CNTNAP2: variants seen among roughly 807,000 people sequenced by gnomAD.
CNTNAP2 encodes contactin associated protein 2.
In CNTNAP2, 98 loss-of-function variants were observed where a neutral mutation model predicts 155.2. That is an observed-to-expected ratio of 0.63 (90% CI 0.54 to 0.75). CNTNAP2 has a LOEUF of 0.75. Ranked by LOEUF, CNTNAP2 falls within the 30% of genes least tolerant of loss-of-function variation. The probability of loss-of-function intolerance (pLI) is 0.00; values close to 1 mark genes in which losing one functional copy is unlikely to be tolerated. For synonymous variants in CNTNAP2, 651 were observed against 631.2 expected (o/e 1.03, Z -0.47); for missense variants, 1,727 against 1,688.1 (o/e 1.02, Z -0.40).
chr7:147,412,775 G>T (rs1406289), intron 10 of CNTNAP2, among the ~76,000 whole-genome samples: 36,838 of 152,112 alleles, frequency 0.24, 4,878 homozygotes, highest in African/African-American at 0.33. Context: ...GGACAGAAAG[G>T]CTCATATCAG....
chr7:148,309,013 T>C (rs1797543722), intron 21 of CNTNAP2, among the ~76,000 whole-genome samples: 1 of 152,210 alleles, frequency 6.6e-6, no homozygotes, highest in South Asian at 2.1e-4. Context: ...TCTTTGCTAT[T>C]GTGAATAGTG....
chr7:148,322,793 TG>T (rs1229646483), intron 21 of CNTNAP2, among the ~76,000 whole-genome samples: 10 of 106,464 alleles, frequency 9.4e-5, no homozygotes, highest in African/African-American at 3.9e-4. Flanking sequence ...TGTTGTTTTT[TG>T]GGGTTTTTTT....
At chr7:147,630,339 A>T (rs28838412) in intron 12 of CNTNAP2, among the ~76,000 whole-genome samples, 12,771 of 145,710 alleles carry the variant, frequency 0.088, 1,684 homozygotes, top group African/African-American at 0.25. Context: ...AAAAAAAAAA[A>T]GCCAACAAAA....
intron 13 of CNTNAP2, among the ~76,000 whole-genome samples, chr7:147,685,750 G>C (rs937121631): frequency 3.2e-4 from 48 of 152,054 alleles, no homozygotes; most frequent in African/African-American, 1.1e-3. Flanking sequence ...AAAAAATAAA[G>C]CAAGAAAAAG....
At chr7:148,240,933 G>GA (rs1796131982) in intron 20 of CNTNAP2, among the ~76,000 whole-genome samples, 1 of 152,154 alleles carries the variant, frequency 6.6e-6, no homozygotes, top group African/African-American at 2.4e-5. Flanking sequence ...TATCCTAGCT[G>GA]CACTGGCAGC....
At chr7:148,258,269 C>T (rs553685571) in intron 20 of CNTNAP2, among the ~76,000 whole-genome samples, 5 of 152,248 alleles carry the variant, frequency 3.3e-5, no homozygotes, top group African/African-American at 9.6e-5. Context: ...CACAGGGTTA[C>T]GGTCTCACCA....
At chr7:148,140,421 C>CTTTTTT (rs750371666) in intron 16 of CNTNAP2, among the ~76,000 whole-genome samples, 4 of 135,380 alleles carry the variant, frequency 3.0e-5, no homozygotes, top group Admixed American at 7.5e-5. Context: ...TTTTCTTTTT[C>CTTTTTT]TTTTTTTTTT....
At chr7:146,825,437 C>T (rs1227031900) in intron 2 of CNTNAP2, among the ~76,000 whole-genome samples, 10 of 152,208 alleles carry the variant, frequency 6.6e-5, no homozygotes, top group Admixed American at 6.6e-5. Context: ...GGGAATCACT[C>T]ACTATGCATG....
chr7:147,206,899 C>A (rs930137120), intron 8 of CNTNAP2, among the ~76,000 whole-genome samples: 3 of 152,184 alleles, frequency 2.0e-5, no homozygotes, highest in Non-Finnish European at 2.9e-5. Flanking sequence ...TACAGAGAAT[C>A]AGAAGCTTAC....
At chr7:146,137,451 A>G (rs763084057) in intron 1 of CNTNAP2, among the ~76,000 whole-genome samples, 1 of 151,964 alleles carries the variant, frequency 6.6e-6, no homozygotes, top group Admixed American at 6.6e-5. Context: ...TGTCTGTGGC[A>G]TTTTTTTTCT....
At chr7:148,200,370 G>A (rs909696710) in intron 18 of CNTNAP2, among the ~76,000 whole-genome samples, 1 of 151,154 alleles carries the variant, frequency 6.6e-6, no homozygotes, top group African/African-American at 2.4e-5. Context: ...AATTACAAAT[G>A]TGGGTCCCAT....
chr7:146,225,124 C>G (rs1799271358), intron 1 of CNTNAP2, among the ~76,000 whole-genome samples: 1 of 152,068 alleles, frequency 6.6e-6, no homozygotes, highest in Non-Finnish European at 1.5e-5. Context: ...CTTTAGATAG[C>G]TAGCAATGCT....
At chr7:147,675,306 T>C (rs1318599005) in intron 13 of CNTNAP2, among the ~76,000 whole-genome samples, 1 of 152,124 alleles carries the variant, frequency 6.6e-6, no homozygotes, top group Non-Finnish European at 1.5e-5. Context: ...AATTTTGAGA[T>C]CCTTAACTTA....
chr7:148,080,604 CAAAAA>C (rs199500286), intron 15 of CNTNAP2, among the ~76,000 whole-genome samples: 24 of 69,734 alleles, frequency 3.4e-4, no homozygotes, highest in Admixed American at 2.1e-3. Context: ...GACTCCATCT[CAAAAA>C]AAAAAAAAAA....
intron 17 of CNTNAP2, among the ~76,000 whole-genome samples, chr7:148,158,640 C>T (rs1805452096): frequency 6.6e-6 from 1 of 152,108 alleles, no homozygotes. Context: ...TGGGTAGAAA[C>T]TTTACGGTGA....
intron 11 of CNTNAP2, among the ~76,000 whole-genome samples, chr7:147,531,747 G>A (rs4726884): frequency 0.68 from 103,116 of 151,570 alleles, 35,184 homozygotes; most frequent in Admixed American, 0.72. Context: ...GCTCCTTGCT[G>A]GTTATGCAAA....
chr7:147,129,782 A>G (rs1327975052), intron 7 of CNTNAP2, among the ~76,000 whole-genome samples: 1 of 152,212 alleles, frequency 6.6e-6, no homozygotes, highest in Non-Finnish European at 1.5e-5. Context: ...TAAACAGTTC[A>G]GGTTGAATAT....
intron 1 of CNTNAP2, among the ~76,000 whole-genome samples, chr7:146,153,485 G>A (rs919049158): frequency 1.3e-5 from 2 of 152,218 alleles, no homozygotes; most frequent in East Asian, 1.9e-4. Flanking sequence ...TCTTTTGCAC[G>A]GCTGTTGAGA....
chr7:146,642,905 G>A (rs11983239), intron 1 of CNTNAP2, among the ~76,000 whole-genome samples: 25,827 of 151,490 alleles, frequency 0.17, 2,811 homozygotes, highest in East Asian at 0.48. Flanking sequence ...TTCTCTGATG[G>A]CCAGTGATGA....
Sources: allele counts gnomAD v4.1 joint callset (sites outside exome capture counted in the v4.1 genomes callset), GRCh38; gene constraint gnomAD v4.1.1; transcripts MANE v1.5; gene names NCBI Gene and HGNC (gene_info 2026-07-23, HGNC 2026-07-21).